CADM2: variants seen among roughly 807,000 people sequenced by gnomAD.
CADM2 encodes immunoglobulin superfamily member 4D.
Under a neutral mutation model 49.8 loss-of-function variants are expected in CADM2, and 12 were observed. The observed-to-expected ratio is 0.24, with a 90% CI of 0.15 to 0.39. The LOEUF is 0.39. Among genes scored for constraint, CADM2 ranks in the 10% least tolerant of loss-of-function variants. CADM2 has a pLI of 1.00. For missense variants in CADM2, 378 were observed against 492.3 expected (o/e 0.77, Z 2.20); for synonymous variants, 214 against 175.4 (o/e 1.22, Z -1.74).
intron 1 of CADM2, among the ~76,000 whole-genome samples, chr3:85,575,126 A>C (rs2062593633): frequency 6.6e-6 from 1 of 152,194 alleles, no homozygotes; most frequent in Non-Finnish European, 1.5e-5. Context: ...GATGAGTCTG[A>C]ATTAGCTACC....
At chr3:85,675,139 G>A (rs867437760) in intron 1 of CADM2, among the ~76,000 whole-genome samples, 3 of 152,026 alleles carry the variant, frequency 2.0e-5, no homozygotes, top group South Asian at 2.1e-4. Context: ...CAAAGTATCC[G>A]TGTGCCACTT....
intron 5 of CADM2, among the ~76,000 whole-genome samples, chr3:85,908,949 A>C (rs1047392063): frequency 6.6e-6 from 1 of 151,936 alleles, no homozygotes; most frequent in East Asian, 1.9e-4. Context: ...TGGTCTCGAT[A>C]TCCTGACCTC....
intron 8 of CADM2, among the ~76,000 whole-genome samples, chr3:85,968,787 G>C (rs79708820): frequency 0.041 from 6,181 of 151,650 alleles, 415 homozygotes; most frequent in African/African-American, 0.14. Context: ...ATTTGTTACA[G>C]ATTTCAAGCA....
chr3:85,358,394 A>T (rs12634949), intron 1 of CADM2, among the ~76,000 whole-genome samples: 59,767 of 151,874 alleles, frequency 0.39, 12,444 homozygotes, highest in African/African-American at 0.51. Flanking sequence ...TTCCAAAAAA[A>T]ATATATATAT....
At chr3:85,426,300 C>T (rs2107509762) in intron 1 of CADM2, among the ~76,000 whole-genome samples, 1 of 152,074 alleles carries the variant, frequency 6.6e-6, no homozygotes, top group South Asian at 2.1e-4. Flanking sequence ...CACCATCACA[C>T]ACAGCTTATT....
intron 1 of CADM2, among the ~76,000 whole-genome samples, chr3:85,399,321 G>A (rs993600828): frequency 1.3e-5 from 2 of 152,078 alleles, no homozygotes; most frequent in Non-Finnish European, 2.9e-5. Context: ...TTATTTCTGA[G>A]GGCTCTGTTC....
intron 1 of CADM2, among the ~76,000 whole-genome samples, chr3:85,320,355 A>C (rs1164557284): frequency 6.6e-6 from 1 of 152,220 alleles, no homozygotes; most frequent in Non-Finnish European, 1.5e-5. Flanking sequence ...GCATAAACCT[A>C]AAATATGAAC....
At chr3:85,718,695 T>G (rs1252359263) in intron 1 of CADM2, among the ~76,000 whole-genome samples, 3 of 151,930 alleles carry the variant, frequency 2.0e-5, no homozygotes, top group South Asian at 2.1e-4. Flanking sequence ...AAATTTAATA[T>G]AAAATATCAG....
intron 1 of CADM2, among the ~76,000 whole-genome samples, chr3:85,092,182 G>C (rs1280261378): frequency 6.6e-6 from 1 of 152,132 alleles, no homozygotes; most frequent in Admixed American, 6.6e-5. Context: ...TTTGTTGATA[G>C]ATGGAAGTTG....
chr3:85,971,323 T>C (rs537430042), intron 8 of CADM2, among the ~76,000 whole-genome samples: 26 of 151,632 alleles, frequency 1.7e-4, no homozygotes, highest in Non-Finnish European at 2.4e-4. Flanking sequence ...CCATCACTGG[T>C]TAAAAACTTG....
At chr3:86,033,821 T>C (rs1578011635) in intron 8 of CADM2, among the ~76,000 whole-genome samples, 1 of 147,046 alleles carries the variant, frequency 6.8e-6, no homozygotes, top group African/African-American at 2.5e-5. Context: ...TACATAATTA[T>C]ATATATTTAT....
intron 1 of CADM2, among the ~76,000 whole-genome samples, chr3:85,702,482 T>C (rs181542584): frequency 3.3e-5 from 5 of 152,266 alleles, no homozygotes; most frequent in Admixed American, 3.3e-4. Flanking sequence ...CTTGCTATTA[T>C]TATCAACTCA....
chr3:86,060,906 C>T (rs866341957), intron 8 of CADM2, among the ~76,000 whole-genome samples: 9 of 151,896 alleles, frequency 5.9e-5, no homozygotes, highest in Middle Eastern at 3.4e-3. Flanking sequence ...CATCTGAACC[C>T]GGGAGGTGGA....
intron 1 of CADM2, among the ~76,000 whole-genome samples, chr3:85,299,100 G>A (rs72921317): frequency 6.6e-6 from 1 of 151,912 alleles, no homozygotes; most frequent in African/African-American, 2.4e-5. Flanking sequence ...TTAAAAATCT[G>A]TTCCTATCTC....
chr3:85,420,219 C>T (rs572784948), intron 1 of CADM2, among the ~76,000 whole-genome samples: 4 of 152,294 alleles, frequency 2.6e-5, no homozygotes, highest in East Asian at 1.9e-4. Flanking sequence ...TCAATTTTCT[C>T]TCAAACTTTT....
intron 8 of CADM2, among the ~76,000 whole-genome samples, chr3:86,063,923 C>CT (rs1199341348): frequency 1.3e-5 from 2 of 152,046 alleles, no homozygotes; most frequent in African/African-American, 4.8e-5. Context: ...AGGGCTGAGT[C>CT]TTAGTGGATT....
chr3:85,891,474 A>C (rs1714426428), intron 5 of CADM2, among the ~76,000 whole-genome samples: 1 of 152,164 alleles, frequency 6.6e-6, no homozygotes, highest in South Asian at 2.1e-4. Context: ...ATATGATGTG[A>C]TATGATTGCC....
chr3:85,853,518 G>A (rs753840162), intron 3 of CADM2, among the ~76,000 whole-genome samples: 17 of 151,896 alleles, frequency 1.1e-4, no homozygotes, highest in Non-Finnish European at 2.5e-4. Context: ...TTATTAAATT[G>A]CTAGAATGTC....
chr3:85,908,261 T>C (rs1207500877), intron 5 of CADM2, among the ~76,000 whole-genome samples: 4 of 149,206 alleles, frequency 2.7e-5, no homozygotes, highest in Non-Finnish European at 4.5e-5. Flanking sequence ...CTTCTTTTTT[T>C]TTTTTTTTTT....
Sources: allele counts gnomAD v4.1 joint callset (sites outside exome capture counted in the v4.1 genomes callset), GRCh38; gene constraint gnomAD v4.1.1; transcripts MANE v1.5; gene names NCBI Gene and HGNC (gene_info 2026-07-23, HGNC 2026-07-21).